The following SPMIP7 variants were observed in gnomAD, a reference collection of about 807,000 sequenced individuals.
SPMIP7 encodes protein SPMIP7.
chr7:50,159,104 C>A, the SPMIP7 span: 1 of 1,551,826 alleles, frequency 6.4e-7, no homozygotes, highest in Non-Finnish European at 8.7e-7. Context: ...CCTGTCTCGA[C>A]TGGTCACAAC....
the SPMIP7 span, among the ~76,000 whole-genome samples, chr7:50,142,995 A>C: frequency 1.3e-5 from 2 of 152,190 alleles, no homozygotes; most frequent in Non-Finnish European, 2.9e-5. Context: ...ACAGAGAGCC[A>C]TCCTATTGAA....
the SPMIP7 span, among the ~76,000 whole-genome samples, chr7:50,145,193 G>A: frequency 6.6e-6 from 1 of 151,764 alleles, no homozygotes; most frequent in Admixed American, 6.6e-5. Flanking sequence ...AGCCTGGGAG[G>A]TGAAGGTTGC....
At chr7:50,135,949 G>A in the SPMIP7 span, 11,487 of 576,488 alleles carry the variant, frequency 0.02, 186 homozygotes, top group Non-Finnish European at 0.025. Context: ...CCGAATCCAT[G>A]AAGTGCTAGC....
chr7:50,096,409 AGGGTTT>A, the SPMIP7 span: 1 of 1,551,730 alleles, frequency 6.4e-7, no homozygotes, highest in Non-Finnish European at 8.7e-7. Context: ...ATTCCTGTTC[AGGGTTT>A]ATGAGTCCTG....
the SPMIP7 span, chr7:50,129,729 C>T: frequency 2.8e-5 from 43 of 1,546,598 alleles, no homozygotes; most frequent in Non-Finnish European, 3.7e-5. Flanking sequence ...TGAAGGTGAA[C>T]CACTTGTTCA....
At chr7:50,109,996 G>GT in the SPMIP7 span, among the ~76,000 whole-genome samples, 9 of 152,018 alleles carry the variant, frequency 5.9e-5, no homozygotes, top group Non-Finnish European at 1.2e-4. Flanking sequence ...AATAAATAAA[G>GT]TAAGTTTTAC....
At chr7:50,149,127 A>G in the SPMIP7 span, among the ~76,000 whole-genome samples, 4 of 133,868 alleles carry the variant, frequency 3.0e-5, no homozygotes, top group Non-Finnish European at 1.6e-5. Flanking sequence ...CCTGGGCAAT[A>G]CAGCGAGATT....
the SPMIP7 span, among the ~76,000 whole-genome samples, chr7:50,152,664 T>TTTTATTTATTTA: frequency 0.019 from 2,669 of 141,392 alleles, 40 homozygotes; most frequent in East Asian, 0.051. Flanking sequence ...TTATCACACA[T>TTTTATTTATTTA]TTTATTTATT....
At chr7:50,155,552 A>T in the SPMIP7 span, among the ~76,000 whole-genome samples, 2 of 151,980 alleles carry the variant, frequency 1.3e-5, no homozygotes, top group Non-Finnish European at 2.9e-5. Context: ...CCATCTTCTC[A>T]CCCCCAAATC....
At chr7:50,119,461 G>A in the SPMIP7 span, among the ~76,000 whole-genome samples, 1 of 152,194 alleles carries the variant, frequency 6.6e-6, no homozygotes, top group East Asian at 1.9e-4. Flanking sequence ...AAAAGCCATG[G>A]ACTGTAATTT....
chr7:50,128,191 T>C, the SPMIP7 span, among the ~76,000 whole-genome samples: 2 of 152,018 alleles, frequency 1.3e-5, no homozygotes, highest in Admixed American at 6.6e-5. Context: ...GAGGTCATTA[T>C]GTTAAATAAA....
the SPMIP7 span, among the ~76,000 whole-genome samples, chr7:50,099,642 G>C: frequency 6.6e-6 from 1 of 152,162 alleles, no homozygotes; most frequent in Non-Finnish European, 1.5e-5. Context: ...TTGTTCACTT[G>C]CTCTGTGCTG....
the SPMIP7 span, among the ~76,000 whole-genome samples, chr7:50,156,799 C>A: frequency 6.6e-6 from 1 of 152,088 alleles, no homozygotes. Flanking sequence ...CCTCTCCCAG[C>A]TGGCCAGTTG....
chr7:50,111,970 T>C, the SPMIP7 span, among the ~76,000 whole-genome samples: 1 of 152,160 alleles, frequency 6.6e-6, no homozygotes, highest in African/African-American at 2.4e-5. Context: ...AATGAAACAT[T>C]GTACTACACC....
chr7:50,114,523 A>T, the SPMIP7 span, among the ~76,000 whole-genome samples: 2 of 152,228 alleles, frequency 1.3e-5, no homozygotes, highest in South Asian at 2.1e-4. Context: ...AAAGAAAAAA[A>T]TTTTTAAAGC....
At chr7:50,145,618 G>GTATATATATATATATATATA in the SPMIP7 span, among the ~76,000 whole-genome samples, 2 of 27,710 alleles carry the variant, frequency 7.2e-5, no homozygotes, top group African/African-American at 1.5e-4. Flanking sequence ...ATATGTGTGT[G>GTATATATATATATATATATA]TATATATATA....
the SPMIP7 span, among the ~76,000 whole-genome samples, chr7:50,127,778 A>G: frequency 1.3e-5 from 2 of 151,890 alleles, no homozygotes; most frequent in Non-Finnish European, 1.5e-5. Context: ...ATCTCACACC[A>G]GTTAAAATGT....
the SPMIP7 span, among the ~76,000 whole-genome samples, chr7:50,151,238 G>A: frequency 3.3e-5 from 5 of 152,088 alleles, no homozygotes; most frequent in Admixed American, 2.6e-4. Flanking sequence ...CCCCAGCATA[G>A]GGCTGTTATC....
At chr7:50,125,401 T>TATACACACATATATATATAC in the SPMIP7 span, among the ~76,000 whole-genome samples, 899 of 137,504 alleles carry the variant, frequency 6.5e-3, 30 homozygotes, top group African/African-American at 0.022. Flanking sequence ...TATATATACA[T>TATACACACATATATATATAC]ATATATATAA....
Sources: allele counts gnomAD v4.1 joint callset (sites outside exome capture counted in the v4.1 genomes callset), GRCh38; gene constraint gnomAD v4.1.1; transcripts MANE v1.5; gene names NCBI Gene and HGNC (gene_info 2026-07-23, HGNC 2026-07-21).